The following MAST4 variants were observed in gnomAD, a reference collection of about 807,000 sequenced individuals.
MAST4 encodes the protein microtubule-associated serine/threonine-protein kinase 4.
In MAST4, 89 loss-of-function variants were observed where a neutral mutation model predicts 162.7. The ratio of observed to expected loss-of-function variants is 0.55; its 90% CI spans 0.46 to 0.65. MAST4 has a LOEUF of 0.65. Among genes scored for constraint, MAST4 ranks in the 30% least tolerant of loss-of-function variants. MAST4 has a pLI of 0.00. For synonymous variants in MAST4, 1,479 were observed against 1,361.1 expected, an observed-to-expected ratio of 1.09 and a Z score of -1.91; for missense variants, 3,153 against 3,374.0, an observed-to-expected ratio of 0.93 and a Z score of 1.62.
At chr5:66,725,748 G>A (rs1751477073) in intron 1 of MAST4, among the ~76,000 whole-genome samples, 1 of 152,104 alleles carries the variant, frequency 6.6e-6, no homozygotes, top group African/African-American at 2.4e-5. Flanking sequence ...CATCATATGT[G>A]AGTTTCCATT....
chr5:66,975,815 G>A (rs961003928), intron 4 of MAST4, among the ~76,000 whole-genome samples: 2 of 152,116 alleles, frequency 1.3e-5, no homozygotes, highest in Non-Finnish European at 2.9e-5. Flanking sequence ...CCAATATGGT[G>A]AAACCCCCTT....
chr5:67,017,067 C>T (rs992930508), intron 4 of MAST4, among the ~76,000 whole-genome samples: 2 of 152,198 alleles, frequency 1.3e-5, no homozygotes, highest in Non-Finnish European at 2.9e-5. Context: ...CGATGGCACT[C>T]AAATACACCT....
rs996150796 is a variant in MAST4, at chr5:66,917,119, TG to T, written c.674+17139del. On this transcript the variant is annotated intron_variant, in intron 4 of 28. Coordinates refer to ENST00000403625, the MANE Select transcript of MAST4 (RefSeq NM_001164664.2). ...CCATTTTCTACATTCTCACCAGCAC[TG>T]GATGTCACTGCCCTTAATTCTTTCC... is the stretch of plus-strand genomic sequence containing the variant. 74 of 693,826 alleles carry T rather than the reference TG, an allele frequency of 1.1e-4. No individual in the cohort carries two copies. The African/African-American group carries it at 1.3e-3, about 12-fold the overall frequency. 43.0% of individuals were successfully genotyped at this position (693,826 alleles called of 1,614,324 possible). A position where few individuals can be genotyped will look rare whatever the true frequency, so the allele number is the denominator to read the frequency against.
chr5:66,741,691 C>T (rs1021598708), intron 1 of MAST4, among the ~76,000 whole-genome samples: 1 of 152,038 alleles, frequency 6.6e-6, no homozygotes, highest in Non-Finnish European at 1.5e-5. Flanking sequence ...TGACTGTAAC[C>T]TTTAGAGAAA....
chr5:66,894,431 G>C (rs906895582), intron 3 of MAST4, among the ~76,000 whole-genome samples: 9 of 152,102 alleles, frequency 5.9e-5, no homozygotes, highest in Non-Finnish European at 1.3e-4. Flanking sequence ...TCTTGCACCT[G>C]GTGATAACTC....
rs773740866 is a variant in MAST4, at chr5:66,894,441, CTT to C, written c.643-5507_643-5506del. Among the ~76,000 whole-genome samples the C allele has an allele frequency of 7.9e-5, 12 of 152,232 alleles. No homozygotes were observed. In the East Asian group the frequency reaches 1.9e-3, roughly 25 times the overall value. On this transcript the variant is annotated intron_variant, in intron 3 of 28. Coordinates refer to ENST00000403625, the MANE Select transcript of MAST4 (RefSeq NM_001164664.2). ...CATAATCTTGCACCTGGTGATAACT[CTT>C]TTGTTTTATATGCGTGTATGTATGT...
chr5:66,602,011 A>C (rs149780424), intron 1 of MAST4, among the ~76,000 whole-genome samples: 2 of 152,194 alleles, frequency 1.3e-5, no homozygotes, highest in African/African-American at 4.8e-5. Flanking sequence ...TATGAAATAC[A>C]TACATATGAA....
chr5:66,726,273 T>A (rs1393186962), intron 1 of MAST4, among the ~76,000 whole-genome samples: 3 of 151,974 alleles, frequency 2.0e-5, no homozygotes, highest in Non-Finnish European at 4.4e-5. Context: ...TCTAATTTTC[T>A]TGGGGGCAGG....
intron 3 of MAST4, among the ~76,000 whole-genome samples, chr5:66,801,400 T>C (rs1040062119): frequency 6.6e-6 from 1 of 152,206 alleles, no homozygotes; most frequent in Admixed American, 6.5e-5. Context: ...TAGCCATCAG[T>C]ACTGGTACAT....
At chr5:66,841,193 G>T (rs1758399674) in intron 3 of MAST4, among the ~76,000 whole-genome samples, 1 of 152,140 alleles carries the variant, frequency 6.6e-6, no homozygotes, top group Non-Finnish European at 1.5e-5. Context: ...CTAATAAGTT[G>T]TGGCTGCTGT....
chr5:67,154,510 A>G (rs534794086), intron 26 of MAST4, among the ~76,000 whole-genome samples: 7 of 152,350 alleles, frequency 4.6e-5, no homozygotes, highest in African/African-American at 1.2e-4. Flanking sequence ...TCCTGCTTCT[A>G]TGAAATTTGA....
chr5:66,685,493 GCTTT>G (rs1748598355), intron 1 of MAST4, among the ~76,000 whole-genome samples: 1 of 151,964 alleles, frequency 6.6e-6, no homozygotes, highest in South Asian at 2.1e-4. Flanking sequence ...TGACAATTTT[GCTTT>G]CTTCCTAGAG....
intron 1 of MAST4, among the ~76,000 whole-genome samples, chr5:66,632,177 A>G (rs1279383419): frequency 1.3e-5 from 2 of 152,202 alleles, no homozygotes; most frequent in Non-Finnish European, 2.9e-5. Flanking sequence ...ACTTCAGAAT[A>G]TGGTGCTATT....
At chr5:66,884,673 A>G (rs1761924045) in intron 3 of MAST4, among the ~76,000 whole-genome samples, 1 of 152,234 alleles carries the variant, frequency 6.6e-6, no homozygotes, top group African/African-American at 2.4e-5. Context: ...GACTTGTCCA[A>G]GGACTGTCCT....
intron 4 of MAST4, among the ~76,000 whole-genome samples, chr5:67,052,525 G>A (rs183860801): frequency 6.6e-6 from 1 of 151,930 alleles, no homozygotes; most frequent in East Asian, 1.9e-4. Flanking sequence ...TAGTATGTAT[G>A]GTAGTGTACG....
chr5:67,096,874 A>G (rs1430218981), intron 7 of MAST4, among the ~76,000 whole-genome samples: 1 of 152,182 alleles, frequency 6.6e-6, no homozygotes, highest in Non-Finnish European at 1.5e-5. Context: ...AACCTTAAGT[A>G]GTTTCAGAGG....
At chr5:66,692,984 ATTTTTTT>A (rs10711722) in intron 1 of MAST4, among the ~76,000 whole-genome samples, 12 of 133,160 alleles carry the variant, frequency 9.0e-5, no homozygotes, top group African/African-American at 2.2e-4. Context: ...TAAAGTTTGT[ATTTTTTT>A]TTTTTTTTTT....
chr5:66,755,946 G>A lies in MAST4; in HGVS notation c.364-3763G>A, dbSNP rs115838972. On this transcript the variant is annotated intron_variant, in intron 1 of 28. Coordinates refer to ENST00000403625, the MANE Select transcript of MAST4 (RefSeq NM_001164664.2). ...ATTTGTAAAACAGCATATAATGGGTGGGGGCAGTAAATACAGAAAATCTAG... is the reference window on the plus strand; with the variant it reads ...ATTTGTAAAACAGCATATAATGGGTAGGGGCAGTAAATACAGAAAATCTAG... Among the ~76,000 whole-genome samples the A allele has an allele frequency of 6.9e-3, 1,053 of 152,214 alleles. 10 individuals carry two copies. Among genetic ancestry groups the A allele is most frequent in the African/African-American group, 0.024 (1,009 of 41,494 alleles).
chr5:66,950,536 A>G (rs1459048647), intron 4 of MAST4, among the ~76,000 whole-genome samples: 1 of 152,090 alleles, frequency 6.6e-6, no homozygotes, highest in Non-Finnish European at 1.5e-5. Context: ...TAGCATAACA[A>G]TATTTGTCCT....
Sources: allele counts gnomAD v4.1 joint callset (sites outside exome capture counted in the v4.1 genomes callset), GRCh38; gene constraint gnomAD v4.1.1; transcripts MANE v1.5; gene names NCBI Gene and HGNC (gene_info 2026-07-23, HGNC 2026-07-21).